Variants in ELFN1 observed in about 807,000 individuals in gnomAD.
The protein encoded by ELFN1 is extracellular leucine rich repeat and fibronectin type III domain containing 1.
In ELFN1, 6 loss-of-function variants were observed where a neutral mutation model predicts 7.6. The observed-to-expected ratio is 0.79, with a 90% confidence interval of 0.43 to 1.56. The LOEUF (loss-of-function observed/expected upper bound fraction) is 1.56. Among genes scored for constraint, ELFN1 ranks in the 40% most tolerant of loss-of-function variants. The probability of loss-of-function intolerance (pLI) is 0.01; values close to 1 mark genes in which losing one functional copy is unlikely to be tolerated. For synonymous variants in ELFN1, 657 were observed against 588.1 expected (o/e 1.12, Z -1.70); for missense variants, 1,169 against 1,232.2 (o/e 0.95, Z 0.77).
chr7:1,706,989 C>T (rs1779545232), intron 2 of ELFN1, among the ~76,000 whole-genome samples: 1 of 152,228 alleles, frequency 6.6e-6, no homozygotes, highest in South Asian at 2.1e-4. Context: ...AGTTCATGTG[C>T]ATGTGTACAC....
chr7:1,745,516 C>T lies in ELFN1; in HGVS notation c.920C>T (p.Pro307Leu). 1 of 1,545,978 alleles carries T rather than the reference C, an allele frequency of 6.5e-7. No homozygotes were observed. The highest frequency in any genetic ancestry group is 8.7e-7 in the Non-Finnish European group (1 of 1,146,828). Reference protein sequence around the residue: ...GDGTTPLVALPTLATQAEARP... With the variant: ...GDGTTPLVALLTLATQAEARP... ...GGCACCACGCCACTGGTGGCCCTGCCCACGCTGGCCACGCAGGCCGAGGCC... is the reference window on the plus strand; with the variant it reads ...GGCACCACGCCACTGGTGGCCCTGCTCACGCTGGCCACGCAGGCCGAGGCC... Residue 307 changes from proline to leucine, a missense_variant, in exon 4 of 4, where the codon CCC (proline) becomes CTC (leucine). Physicochemically the swap from Pro to Leu is moderately conservative, Grantham distance 98. Around this residue, in one of 2 missense-constraint regions of ELFN1, gnomAD observed 914 missense variants for 872.6 expected, o/e 1.05. Transcript: ENST00000424383.
At chr7:1,678,337 C>T (rs1044407194) in intron 1 of ELFN1, among the ~76,000 whole-genome samples, 1 of 152,208 alleles carries the variant, frequency 6.6e-6, no homozygotes, top group African/African-American at 2.4e-5. Flanking sequence ...AGCCTCACAC[C>T]CCATACCTGG....
intron 3 of ELFN1, among the ~76,000 whole-genome samples, chr7:1,720,571 G>GA (rs1220210899): frequency 6.6e-6 from 1 of 152,222 alleles, no homozygotes; most frequent in Non-Finnish European, 1.5e-5. Context: ...GCAGGTGGTA[G>GA]ACCAGATGGC....
rs562897404 is a variant in ELFN1, at chr7:1,734,846, C to T, written c.-293-9458C>T. Among the ~76,000 whole-genome samples, 54 of 152,052 alleles carry T rather than the reference C, an allele frequency of 3.6e-4. 1 individual carries two copies. In the East Asian group the frequency reaches 3.9e-3, roughly 11 times the overall value. On this transcript the variant is annotated intron_variant, in intron 3 of 3. Coordinates refer to ENST00000424383, the MANE Select transcript of ELFN1 (RefSeq NM_001128636.4). The stretch of plus-strand genomic sequence containing the variant: ...CCAAATAGCTGGGATCACAGGCGCA[C>T]GCCACCACACCCGGCAAATTTTTTT...
Position 1,746,146 on chromosome 7 carries a change from C to G in ELFN1, c.1550C>G (p.Thr517Ser). ...TACAAGCTGGTGGAGAGCGCGGACACCCCCAAGGCCAGCAAGGGCAGCTAC... is the reference window on the plus strand; with the variant it reads ...TACAAGCTGGTGGAGAGCGCGGACAGCCCCAAGGCCAGCAAGGGCAGCTAC... ...EQYKLVESAD[T>S]PKASKGSYME... The change falls in exon 4 of 4, where the codon ACC (threonine) becomes AGC (serine). Residue 517 changes from threonine (T) to serine (S), a missense_variant. Around this residue, in one of 2 missense-constraint regions of ELFN1, gnomAD observed 914 missense variants for 872.6 expected, o/e 1.05. Coordinates refer to ENST00000424383, the MANE Select transcript of ELFN1 (RefSeq NM_001128636.4). The G allele has an allele frequency of 6.5e-7, 1 of 1,548,966 alleles. No individual in the cohort carries two copies. The highest frequency in any genetic ancestry group is 1.2e-5 in the South Asian group (1 of 83,922).
Position 1,744,446 on chromosome 7 carries a change from C to A in ELFN1, c.-151C>A. 1.1e-6 allele frequency: 1 copy of A among 888,270 alleles called. No individual in the cohort carries two copies. The highest frequency in any genetic ancestry group is 1.6e-6 in the Non-Finnish European group (1 of 621,354). 55.0% of individuals were successfully genotyped at this position (888,270 alleles called of 1,614,324 possible). ...GAGGCGCCCTCCCTCCCCGCGCTTA[C>A]GTCGCGCGGCCATGCGGTTTGGGAC... On this transcript the variant is annotated 5_prime_UTR_variant, in exon 4 of 4. Transcript: ENST00000424383.
intron 3 of ELFN1, among the ~76,000 whole-genome samples, chr7:1,729,820 G>A (rs963316912): frequency 6.6e-6 from 1 of 152,228 alleles, no homozygotes; most frequent in Admixed American, 6.5e-5. Flanking sequence ...CAGCCGTCCC[G>A]AAGGGGCTGA....
chr7:1,689,741 A>G (rs1430816863), intron 2 of ELFN1, among the ~76,000 whole-genome samples: 3 of 152,184 alleles, frequency 2.0e-5, no homozygotes, highest in African/African-American at 7.2e-5. Flanking sequence ...TCACGTGCCC[A>G]TTACAGGTGG....
In ELFN1 at chr7:1,746,139, G is replaced by A. The variant is rs764223756; in HGVS notation, c.1543G>A (p.Ala515Thr). 4.7e-5 allele frequency: 72 copies of A among 1,548,160 alleles called. No individual in the cohort carries two copies. Among genetic ancestry groups the A allele is most frequent in the Admixed American group, 4.1e-4 (21 of 50,916 alleles). ...GGAGCAGTACAAGCTGGTGGAGAGCGCGGACACCCCCAAGGCCAGCAAGGG... is the reference window on the plus strand; with the variant it reads ...GGAGCAGTACAAGCTGGTGGAGAGCACGGACACCCCCAAGGCCAGCAAGGG... ...EVEQYKLVES[A>T]DTPKASKGSY... is the part of the protein sequence containing the mutation. Residue 515 changes from alanine to threonine, a missense_variant, in exon 4 of 4, where the codon GCG becomes ACG. Physicochemically the swap from Ala to Thr is moderately conservative, Grantham distance 58. Transcript: ENST00000424383.
At chr7:1,696,281 A>G (rs1328889864) in intron 2 of ELFN1, among the ~76,000 whole-genome samples, 1 of 144,324 alleles carries the variant, frequency 6.9e-6, no homozygotes, top group African/African-American at 2.9e-5. Flanking sequence ...AGAGATGGAG[A>G]GAGAGAGAGA....
intron 1 of ELFN1, among the ~76,000 whole-genome samples, chr7:1,677,593 C>T (rs982136328): frequency 1.3e-5 from 2 of 152,082 alleles, no homozygotes; most frequent in South Asian, 2.1e-4. Context: ...CATGAACTCA[C>T]GTGTGTGTAG....
At chr7:1,728,638 G>A (rs1415005236) in intron 3 of ELFN1, among the ~76,000 whole-genome samples, 2 of 152,116 alleles carry the variant, frequency 1.3e-5, no homozygotes, top group Non-Finnish European at 1.5e-5. Flanking sequence ...ACCACTTCAC[G>A]CCCCAGGCAG....
At chr7:1,675,061 G>A (rs1455317461) in intron 1 of ELFN1, among the ~76,000 whole-genome samples, 1 of 51,386 alleles carries the variant, frequency 1.9e-5, no homozygotes, top group Non-Finnish European at 3.3e-5. Flanking sequence ...AGCTGGGAGA[G>A]TGCCCTGGCC....
At chr7:1,715,333 C>T (rs933946181) in intron 3 of ELFN1, among the ~76,000 whole-genome samples, 3 of 152,172 alleles carry the variant, frequency 2.0e-5, no homozygotes, top group Non-Finnish European at 4.4e-5. Flanking sequence ...CATCCCCCAG[C>T]CTGGGTTCTC....
Position 1,745,551 on chromosome 7 carries a change from A to T in ELFN1, c.955A>T (p.Ile319Phe). The change falls in exon 4 of 4, where the codon ATC becomes TTC. Residue 319 changes from isoleucine (I) to phenylalanine (F), a missense_variant. Transcript: ENST00000424383. Reference sequence around the variant, plus strand: ...CACGCAGGCCGAGGCCCGCCCCCTCATCAAGGTCAAGCAGCTCACTCAGAA... The same window carrying T: ...CACGCAGGCCGAGGCCCGCCCCCTCTTCAAGGTCAAGCAGCTCACTCAGAA... ...LATQAEARPL[I>F]KVKQLTQNSA... The T allele has an allele frequency of 6.5e-7, 1 of 1,549,516 alleles. No homozygotes were observed. The highest frequency in any genetic ancestry group is 8.7e-7 in the Non-Finnish European group (1 of 1,146,900).
rs763383912 is a variant in ELFN1 at position 1,705,912 on chromosome 7, G to A, written c.-455-3179G>A. Among the ~76,000 whole-genome samples the A allele has an allele frequency of 5.3e-5, 8 of 152,192 alleles. No homozygotes were observed. Among genetic ancestry groups the A allele is most frequent in the South Asian group, 2.1e-4 (1 of 4,824 alleles). On this transcript the variant is annotated intron_variant, in intron 2 of 3. Coordinates refer to ENST00000424383, the MANE Select transcript of ELFN1 (RefSeq NM_001128636.4). This position sits in a 1 kb window ranked among gnomAD's most constrained non-coding sequence, Gnocchi z 4.3. ...TGGTCTCTGAGGTTCCCCAGCCTGC[G>A]GTTCCAGACGAGATTGAACTGTGAG...
intron 3 of ELFN1, among the ~76,000 whole-genome samples, chr7:1,743,633 G>T (rs990760352): frequency 6.6e-6 from 1 of 152,178 alleles, no homozygotes; most frequent in African/African-American, 2.4e-5. Context: ...CGAGTCCCCG[G>T]ACAGGCCAGA....
chr7:1,697,251 T>C (rs972022035), intron 2 of ELFN1, among the ~76,000 whole-genome samples: 3 of 152,062 alleles, frequency 2.0e-5, no homozygotes, highest in East Asian at 1.9e-4. Context: ...CTCACGCCCA[T>C]ATTCCCATCC....
chr7:1,685,866 T>C (rs547826385), intron 1 of ELFN1, among the ~76,000 whole-genome samples: 1 of 147,912 alleles, frequency 6.8e-6, no homozygotes, highest in South Asian at 2.1e-4. Context: ...TTATATAATA[T>C]ATAAACCATT....
Sources: allele counts gnomAD v4.1 joint callset (sites outside exome capture counted in the v4.1 genomes callset), GRCh38; gene constraint gnomAD v4.1.1; regional missense constraint gnomAD v4.1.1; non-coding constraint Gnocchi (gnomAD v3.1); transcripts MANE v1.5; gene names NCBI Gene and HGNC (gene_info 2026-07-23, HGNC 2026-07-21).